RFLNA: variants seen among roughly 807,000 people sequenced by gnomAD.
RFLNA encodes the protein refilin-A.
Under a neutral mutation model 7.8 loss-of-function variants are expected in RFLNA, and 5 were observed. The observed-to-expected ratio is 0.64, with a 90% CI of 0.34 to 1.35. The LOEUF (loss-of-function observed/expected upper bound fraction) is 1.35, where lower values mean the gene tolerates loss of function less well. Ranked by LOEUF, RFLNA falls within the 40% of genes most tolerant of loss-of-function variation. RFLNA has a pLI of 0.04. For missense variants in RFLNA, 278 were observed against 305.5 expected, an observed-to-expected ratio of 0.91 and a Z score of 0.67; for synonymous variants, 141 against 131.3, an observed-to-expected ratio of 1.07 and a Z score of -0.50.
rs761317847 is a variant in RFLNA, at chr12:124,314,354, C to T, written c.480C>T (p.Arg160=). The change falls in exon 3 of 3, where the codon CGC becomes CGT. Residue 160 remains arginine (R), a synonymous_variant. Transcript: ENST00000546355. The part of the protein sequence containing the change: ...RSQLTLEPRP[R]ALRFRSTTII... Reference sequence around the variant, plus strand: ...AGCTGACCCTGGAGCCACGCCCGCGCGCCCTGCGCTTCCGCAGCACCACCA... The same window carrying T: ...AGCTGACCCTGGAGCCACGCCCGCGTGCCCTGCGCTTCCGCAGCACCACCA... The T allele has an allele frequency of 2.6e-5, 42 of 1,613,226 alleles. No homozygotes were observed. Among genetic ancestry groups the T allele is most frequent in the Admixed American group, 1.5e-4 (9 of 60,004 alleles).
chr12:124,311,848 T>C lies in RFLNA; in HGVS notation c.238T>C (p.Ser80Pro). The C allele has an allele frequency of 1.9e-6, 3 of 1,598,894 alleles. No homozygotes were observed. Among genetic ancestry groups the C allele is most frequent in the South Asian group, 2.2e-5 (2 of 89,350 alleles). ...PPSQLPNPPASEMRPRMLPVF... is the reference protein window; with the variant it reads ...PPSQLPNPPAPEMRPRMLPVF... ...CTCCCAACTCCCAAATCCCCCGGCGTCGGAGATGAGGCCCCGGATGCTGCC... is the reference window on the plus strand; with the variant it reads ...CTCCCAACTCCCAAATCCCCCGGCGCCGGAGATGAGGCCCCGGATGCTGCC... Residue 80 changes from serine to proline, a missense_variant, in exon 2 of 3, where the codon TCG (serine) becomes CCG (proline). Ser to Pro is a moderately conservative substitution (Grantham distance 74). Transcript: ENST00000546355.
chr12:124,302,242 G>T (rs2034051122), intron 1 of RFLNA, among the ~76,000 whole-genome samples: 1 of 152,166 alleles, frequency 6.6e-6, no homozygotes, highest in Non-Finnish European at 1.5e-5. Context: ...ATCTTTGTGG[G>T]GGACACAAGG....
intron 1 of RFLNA, among the ~76,000 whole-genome samples, chr12:124,310,196 AGC>A (rs2034216618): frequency 2.8e-5 from 4 of 142,256 alleles, no homozygotes; most frequent in East Asian, 2.1e-4. Context: ...AAAAAAAAAA[AGC>A]CTTTAGAAAC....
intron 1 of RFLNA, 48 bp downstream of exon 1, chr12:124,295,684 G>A (rs1221234360): frequency 8.1e-7 from 1 of 1,231,072 alleles, no homozygotes; most frequent in Non-Finnish European, 1.0e-6. Context: ...TGGGCGGGTG[G>A]GTGAGGGCTG....
chr12:124,302,443 C>T (rs1405912), intron 1 of RFLNA, among the ~76,000 whole-genome samples: 149,327 of 152,184 alleles, frequency 0.98, 73,325 homozygotes, highest in Middle Eastern at 1. Context: ...TATGGCCTGA[C>T]CCACTCGGGG....
intron 1 of RFLNA, among the ~76,000 whole-genome samples, chr12:124,297,827 AC>A (rs1437198232): frequency 7.4e-6 from 1 of 135,006 alleles, no homozygotes; most frequent in Non-Finnish European, 1.6e-5. Context: ...ATGCCCACCC[AC>A]CCATCGCCCA....
At chr12:124,302,721 C>T (rs1386865886) in intron 1 of RFLNA, among the ~76,000 whole-genome samples, 1 of 151,728 alleles carries the variant, frequency 6.6e-6, no homozygotes, top group Non-Finnish European at 1.5e-5. Flanking sequence ...AGTGTATATC[C>T]CAGACGATCA....
chr12:124,311,680 T>G (rs1299279113), intron 1 of RFLNA, 138 bp from the exon 2 acceptor site: 1 of 784,106 alleles, frequency 1.3e-6, no homozygotes, highest in African/African-American at 1.9e-5. Flanking sequence ...ACAAAGCGGC[T>G]TCCTGATGGG....
chr12:124,314,953 C>T lies in RFLNA; in HGVS notation c.*428C>T, dbSNP rs537947129. Reference sequence around the variant, plus strand: ...CCAGAGCCCTGCCACCCCATGTGTCCTAGGCTGGTGGCCAAGGCCATGTGT... The same window carrying T: ...CCAGAGCCCTGCCACCCCATGTGTCTTAGGCTGGTGGCCAAGGCCATGTGT... On this transcript the variant is annotated 3_prime_UTR_variant, in exon 3 of 3. Coordinates refer to ENST00000546355, the MANE Select transcript of RFLNA (RefSeq NM_001365156.1). 776 of 348,938 alleles carry T rather than the reference C, an allele frequency of 2.2e-3. 7 individuals are homozygous for T. Among genetic ancestry groups the T allele is most frequent in the African/African-American group, 0.015 (718 of 47,222 alleles). 21.6% of individuals were successfully genotyped at this position (348,938 alleles called of 1,614,324 possible). A position where few individuals can be genotyped will look rare whatever the true frequency, so the allele number is the denominator to read the frequency against.
rs750861270 is a variant in RFLNA, at chr12:124,314,219, G to A, written c.345G>A (p.Ser115=). ...GCAACTCTGAGGTCAAGTACGCCTCGGAGAAGCATTTCCAGGACAAGGTCT... is the reference window on the plus strand; with the variant it reads ...GCAACTCTGAGGTCAAGTACGCCTCAGAGAAGCATTTCCAGGACAAGGTCT... The part of the protein sequence containing the change: ...IRCNSEVKYA[S]EKHFQDKVFY... The change falls in exon 3 of 3, where the codon TCG becomes TCA. Residue 115 remains serine, a synonymous_variant. Coordinates refer to ENST00000546355, the MANE Select transcript of RFLNA (RefSeq NM_001365156.1). The A allele has an allele frequency of 2.2e-5, 35 of 1,612,820 alleles. No homozygotes were observed. The highest frequency in any genetic ancestry group is 7.7e-5 in the South Asian group (7 of 91,048).
At chr12:124,296,571 GC>G (rs980683704) in intron 1 of RFLNA, among the ~76,000 whole-genome samples, 2 of 152,128 alleles carry the variant, frequency 1.3e-5, no homozygotes, top group African/African-American at 2.4e-5. Context: ...CTTTCCTGGG[GC>G]CCCGGGGATT....
chr12:124,290,369 T>C (rs776887941), upstream of RFLNA, among the ~76,000 whole-genome samples: 1 of 117,942 alleles, frequency 8.5e-6, no homozygotes, highest in Admixed American at 9.6e-5. This position sits in a 1 kb window ranked among gnomAD's most constrained non-coding sequence, Gnocchi z 4.0. Flanking sequence ...TGTGTATTTG[T>C]GTGTTTGTGT....
chr12:124,290,685 G>A (rs375744839), upstream of RFLNA, among the ~76,000 whole-genome samples: 7 of 152,176 alleles, frequency 4.6e-5, no homozygotes, highest in Admixed American at 4.6e-4. The surrounding 1 kb of genome is among the most constrained non-coding windows in gnomAD (Gnocchi z 4.0). Flanking sequence ...AGAGGCATGA[G>A]GTGTGGTGAT....
Position 124,295,364 on chromosome 12 carries a change from G to A in RFLNA, c.-66G>A. 8 of 1,014,266 alleles carry A rather than the reference G, an allele frequency of 7.9e-6. No homozygotes were observed. The highest frequency in any genetic ancestry group is 8.8e-6 in the Non-Finnish European group (7 of 793,954). The allele number at this position is 1,014,266 out of a possible 1,614,324, so 62.8% of individuals were successfully genotyped here. Reference sequence around the variant, plus strand: ...CTCTCGCCCCGCCGCCGCCTGCCCCGGGCCCCGGAGCGCGGTGGAGAAGCC... The same window carrying A: ...CTCTCGCCCCGCCGCCGCCTGCCCCAGGCCCCGGAGCGCGGTGGAGAAGCC... On this transcript the variant is annotated 5_prime_UTR_variant, in exon 1 of 3. Transcript: ENST00000546355.
intron 1 of RFLNA, among the ~76,000 whole-genome samples, chr12:124,310,290 T>C (rs907393241): frequency 6.8e-6 from 1 of 147,302 alleles, no homozygotes; most frequent in Non-Finnish European, 1.5e-5. Context: ...GACCCCCGAG[T>C]ACAGATGGAC....
chr12:124,304,284 C>A (rs925689802), intron 1 of RFLNA, among the ~76,000 whole-genome samples: 1 of 152,254 alleles, frequency 6.6e-6, no homozygotes, highest in Non-Finnish European at 1.5e-5. Flanking sequence ...CTTCCCGAGC[C>A]GTCTCACCGC....
intron 1 of RFLNA, among the ~76,000 whole-genome samples, chr12:124,310,163 ACT>A (rs1190359751): frequency 2.5e-5 from 3 of 120,674 alleles, no homozygotes; most frequent in Admixed American, 1.7e-4. Flanking sequence ...ACAGAGAGAG[ACT>A]CTGTCTCAAA....
chr12:124,302,813 G>GGGGCCAAGGTCAGGGGCCGAGGTCAGA (rs2034064920), intron 1 of RFLNA, among the ~76,000 whole-genome samples: 2 of 68,400 alleles, frequency 2.9e-5, no homozygotes, highest in Admixed American at 3.4e-4. Context: ...GCTGAGGTCA[G>GGGGCCAAGGTCAGGGGCCGAGGTCAGA]GGGCCGAGGT....
upstream of RFLNA, among the ~76,000 whole-genome samples, chr12:124,290,356 ATG>A (rs1162372852): frequency 1.3e-5 from 2 of 149,412 alleles, no homozygotes; most frequent in East Asian, 4.3e-4. This position sits in a 1 kb window ranked among gnomAD's most constrained non-coding sequence, Gnocchi z 4.0. Context: ...GCATATGTGT[ATG>A]TGTGTATTTG....
Sources: gnomAD v4.1 joint callset for allele counts (sites outside exome capture counted in the v4.1 genomes callset) on GRCh38, gnomAD v4.1.1 for gene constraint, Gnocchi (gnomAD v3.1) non-coding constraint, MANE v1.5 for transcripts, NCBI Gene and HGNC (gene_info 2026-07-23, HGNC 2026-07-21) for gene names.